GABRR2: variants seen among roughly 807,000 people sequenced by gnomAD.
The protein encoded by GABRR2 is gamma-aminobutyric acid receptor subunit rho-2.
In GABRR2, 36 loss-of-function variants were observed where a neutral mutation model predicts 47.0. The observed-to-expected ratio is 0.77, with a 90% confidence interval of 0.59 to 1.01. The LOEUF (loss-of-function observed/expected upper bound fraction) is 1.01. GABRR2 is among the 50% of genes least tolerant of loss of function. The probability of loss-of-function intolerance (pLI) is 0.00; values close to 1 mark genes in which losing one functional copy is unlikely to be tolerated. For missense variants in GABRR2, 587 were observed against 594.6 expected (o/e 0.99, Z 0.13); for synonymous variants, 204 against 227.5 (o/e 0.90, Z 0.93).
chr6:89,296,035 C>T (rs1339423137), intron 2 of GABRR2, among the ~76,000 whole-genome samples: 2 of 152,186 alleles, frequency 1.3e-5, no homozygotes, highest in Non-Finnish European at 2.9e-5. Flanking sequence ...GGGGCCCAGG[C>T]TCTACTTCTA....
At chr6:89,309,783 A>C (rs1004261782) in intron 1 of GABRR2, among the ~76,000 whole-genome samples, 2 of 151,428 alleles carry the variant, frequency 1.3e-5, no homozygotes, top group African/African-American at 4.9e-5. Flanking sequence ...TCTTCTTATT[A>C]TTATTATTTT....
chr6:89,265,827 C>T, intron 6 of GABRR2, 62 bp from the exon 7 acceptor site: 1 of 1,548,908 alleles, frequency 6.5e-7, no homozygotes, highest in Non-Finnish European at 8.8e-7. Context: ...AACTGTGTCC[C>T]TGGGAACCCG....
intron 1 of GABRR2, among the ~76,000 whole-genome samples, chr6:89,308,876 A>G (rs2127850996): frequency 6.6e-6 from 1 of 152,336 alleles, no homozygotes; most frequent in Admixed American, 6.5e-5. Context: ...ACACTGCCCG[A>G]GCCATGGGGA....
intron 2 of GABRR2, among the ~76,000 whole-genome samples, chr6:89,280,253 T>TACAC (rs1554197270): frequency 0.021 from 2,649 of 124,446 alleles, 65 homozygotes; most frequent in Non-Finnish European, 0.031. Context: ...TATATATATA[T>TACAC]ACATACATAT....
At chr6:89,273,393 T>G (rs1203441435) in intron 2 of GABRR2, among the ~76,000 whole-genome samples, 1 of 152,142 alleles carries the variant, frequency 6.6e-6, no homozygotes, top group African/African-American at 2.4e-5. Flanking sequence ...CCACCACACC[T>G]GGCTAATTTT....
chr6:89,293,773 C>T (rs1043058456), intron 2 of GABRR2, among the ~76,000 whole-genome samples: 13 of 152,216 alleles, frequency 8.5e-5, no homozygotes, highest in African/African-American at 2.9e-4. Flanking sequence ...CGCAACAGAG[C>T]GAGACCATGT....
chr6:89,262,160 T>A (rs542812899), intron 8 of GABRR2, among the ~76,000 whole-genome samples: 1 of 152,224 alleles, frequency 6.6e-6, no homozygotes. Context: ...TAACCTTCTC[T>A]TGATAGACCA....
chr6:89,312,178 C>T (rs1445694910), intron 1 of GABRR2, among the ~76,000 whole-genome samples: 2 of 152,116 alleles, frequency 1.3e-5, no homozygotes, highest in African/African-American at 4.8e-5. Context: ...GAAAGAAGGG[C>T]AATCGTGTGG....
chr6:89,283,686 A>G (rs1328442689), intron 2 of GABRR2, among the ~76,000 whole-genome samples: 1 of 152,200 alleles, frequency 6.6e-6, no homozygotes, highest in Admixed American at 6.5e-5. Context: ...AGGCATCTAG[A>G]AAAACAGAAG....
chr6:89,269,189 T>C lies in GABRR2; in HGVS notation c.334A>G (p.Arg112Gly). 2 of 1,614,040 alleles carry C rather than the reference T, an allele frequency of 1.2e-6. No homozygotes were observed. The highest frequency in any genetic ancestry group is 1.7e-6 in the Non-Finnish European group (2 of 1,179,902). The stretch of plus-strand genomic sequence containing the variant: ...TTGCTGGCGCTGGAGAAAGCTAGCC[T>C]CTCATCCTTCCAGTAATGCCGCAGG... ...LYLRHYWKDE[R>G]LAFSSASNKS... Residue 112 changes from arginine to glycine, a missense_variant, in exon 4 of 9, where the codon AGG becomes GGG. Arg to Gly is a moderately radical substitution (Grantham distance 125, BLOSUM62 -2). Transcript: ENST00000402938.
At chr6:89,307,890 C>T (rs1310695233) in intron 1 of GABRR2, among the ~76,000 whole-genome samples, 1 of 145,036 alleles carries the variant, frequency 6.9e-6, no homozygotes, top group Non-Finnish European at 1.5e-5. Context: ...GATCTTGGCT[C>T]ACTGCAACCT....
intron 7 of GABRR2, 85 bp from the exon 8 acceptor site, chr6:89,264,693 A>C: frequency 1.3e-6 from 2 of 1,502,858 alleles, no homozygotes; most frequent in Non-Finnish European, 1.8e-6. Context: ...TACACTCTCT[A>C]TCTCTTAAAC....
At chr6:89,281,769 C>A (rs1460855900) in intron 2 of GABRR2, among the ~76,000 whole-genome samples, 1 of 152,136 alleles carries the variant, frequency 6.6e-6, no homozygotes, top group South Asian at 2.1e-4. Flanking sequence ...GTCTCTGCCA[C>A]TAAGCGCTTC....
At chr6:89,291,285 A>G (rs1024889531) in intron 2 of GABRR2, among the ~76,000 whole-genome samples, 2 of 151,640 alleles carry the variant, frequency 1.3e-5, no homozygotes, top group African/African-American at 4.9e-5. Context: ...CCTGCATCCA[A>G]CCTCAGCCCG....
intron 2 of GABRR2, among the ~76,000 whole-genome samples, chr6:89,291,560 C>A (rs1774441401): frequency 6.6e-6 from 1 of 151,978 alleles, no homozygotes; most frequent in South Asian, 2.1e-4. Flanking sequence ...GGGGTATACC[C>A]TTCTTCTTGC....
chr6:89,259,599 G>T (rs1773692955), intron 8 of GABRR2, among the ~76,000 whole-genome samples: 1 of 151,844 alleles, frequency 6.6e-6, no homozygotes, highest in Non-Finnish European at 1.5e-5. Flanking sequence ...CGCCTCCAAG[G>T]GTCAAGCGAT....
chr6:89,264,409 C>T lies in GABRR2; in HGVS notation c.1086+3G>A. ...TAGACAAGGGCCGAAGAAGCCCTCT[C>T]ACCTTCTCCCGCAGCTTCCGTTCCT... On this transcript the variant is annotated splice_donor_region_variant and intron_variant, in intron 8 of 8. Coordinates refer to ENST00000402938, the MANE Select transcript of GABRR2 (RefSeq NM_002043.5). The T allele has an allele frequency of 6.2e-7, 1 of 1,612,626 alleles. No homozygotes were observed. The highest frequency in any genetic ancestry group is 1.7e-4 in the Middle Eastern group (1 of 6,050).
At chr6:89,294,766 A>T (rs969562364) in intron 2 of GABRR2, among the ~76,000 whole-genome samples, 7 of 146,962 alleles carry the variant, frequency 4.8e-5, no homozygotes, top group African/African-American at 1.5e-4. Context: ...CATTAGGTAT[A>T]TCTCCTAATG....
chr6:89,272,719 G>T (rs1774081284), intron 2 of GABRR2, among the ~76,000 whole-genome samples: 1 of 152,230 alleles, frequency 6.6e-6, no homozygotes, highest in Non-Finnish European at 1.5e-5. Context: ...ACAGGATCAG[G>T]ACGTTGTGAC....
Sources: allele counts gnomAD v4.1 joint callset (sites outside exome capture counted in the v4.1 genomes callset), GRCh38; gene constraint gnomAD v4.1.1; transcripts MANE v1.5; gene names NCBI Gene and HGNC (gene_info 2026-07-23, HGNC 2026-07-21).